STEAP2: variants seen among roughly 807,000 people sequenced by gnomAD.
The protein encoded by STEAP2 is STEAP2 metalloreductase.
In STEAP2, 30 loss-of-function variants were observed where a neutral mutation model predicts 46.4. The ratio of observed to expected loss-of-function variants is 0.65; its 90% CI spans 0.48 to 0.88. STEAP2 has a LOEUF of 0.88. STEAP2 is among the 40% of genes least tolerant of loss of function. The pLI, the probability that STEAP2 is intolerant of heterozygous loss-of-function variation, is 0.00. For missense variants in STEAP2, 513 were observed against 579.3 expected (o/e 0.89, Z 1.18); for synonymous variants, 180 against 200.5 (o/e 0.90, Z 0.86).
At chr7:90,231,443 G>A (rs777199102) in intron 5 of STEAP2, among the ~76,000 whole-genome samples, 21 of 151,880 alleles carry the variant, frequency 1.4e-4, no homozygotes, top group Middle Eastern at 3.4e-3. Context: ...AGTAGGGAAC[G>A]TTCTGAGCAA....
chr7:90,236,083 A>T lies in STEAP2; in HGVS notation c.*3459A>T. On this transcript the variant is annotated 3_prime_UTR_variant, in exon 6 of 6. Transcript: ENST00000394621. ...ACTTGTGTAAAAGGGCTTCAAGAATATATCCAATTTTTAAATATTTTAATA... is the reference window on the plus strand; with the variant it reads ...ACTTGTGTAAAAGGGCTTCAAGAATTTATCCAATTTTTAAATATTTTAATA... 1.4e-6 allele frequency: 1 copy of T among 692,912 alleles called. No individual in the cohort carries two copies. The highest frequency in any genetic ancestry group is 1.9e-5 in the African/African-American group (1 of 51,482). 42.9% of individuals were successfully genotyped at this position (692,912 alleles called of 1,614,324 possible).
intron 4 of STEAP2, among the ~76,000 whole-genome samples, chr7:90,227,887 T>C (rs989935): frequency 0.027 from 4,164 of 152,090 alleles, 59 homozygotes; most frequent in Middle Eastern, 0.048. Context: ...TTAGAACCAG[T>C]AAAAATACAA....
intron 4 of STEAP2, among the ~76,000 whole-genome samples, chr7:90,229,071 T>A (rs1274462275): frequency 6.6e-6 from 1 of 152,190 alleles, no homozygotes; most frequent in Non-Finnish European, 1.5e-5. Context: ...AAATCAAAAA[T>A]TTCAGCTGAA....
chr7:90,238,956 T>G (rs960086593), downstream of STEAP2, among the ~76,000 whole-genome samples: 8 of 151,964 alleles, frequency 5.3e-5, no homozygotes, highest in African/African-American at 1.9e-4. Context: ...AACTCAGCAC[T>G]ACTGTGTGAA....
At position 90,236,906 on chromosome 7, in the gene STEAP2, G is replaced by A. The variant is rs1795979505; in HGVS notation, c.*4282G>A. On this transcript the variant is annotated 3_prime_UTR_variant, in exon 6 of 6. Transcript: ENST00000394621. Reference sequence around the variant, plus strand: ...GTCTTTAAAGATCTTTTGCAGCTTTGCAGATACCCAGACTGAGCTGGAACT... The same window carrying A: ...GTCTTTAAAGATCTTTTGCAGCTTTACAGATACCCAGACTGAGCTGGAACT... The A allele has an allele frequency of 1.2e-6, 2 of 1,613,992 alleles. No homozygotes were observed. Among genetic ancestry groups the A allele is most frequent in the African/African-American group, 1.3e-5 (1 of 75,002 alleles).
downstream of STEAP2, among the ~76,000 whole-genome samples, chr7:90,241,241 T>C (rs1016080227): frequency 1.3e-5 from 2 of 151,958 alleles, no homozygotes; most frequent in Non-Finnish European, 2.9e-5. Context: ...GCTGAGGATC[T>C]TGAGAGATCA....
chr7:90,214,187 GA>G (rs1441585092), intron 1 of STEAP2, among the ~76,000 whole-genome samples: 3 of 152,316 alleles, frequency 2.0e-5, no homozygotes. Context: ...GGTGGAGAGG[GA>G]TTTATGAAAT....
downstream of STEAP2, among the ~76,000 whole-genome samples, chr7:90,241,171 TACACACAC>T (rs66565009): frequency 1.3e-5 from 2 of 149,984 alleles, no homozygotes; most frequent in Non-Finnish European, 3.0e-5. Context: ...CACATAAACA[TACACACAC>T]ACACACACAC....
chr7:90,233,638 T>G lies in STEAP2; in HGVS notation c.*1014T>G. ...GAGATAAGTAGTTATTATCCTCATTTTACACATGAGGGACCGAAGGATAGA... is the reference window on the plus strand; with the variant it reads ...GAGATAAGTAGTTATTATCCTCATTGTACACATGAGGGACCGAAGGATAGA... On this transcript the variant is annotated 3_prime_UTR_variant, in exon 6 of 6. Coordinates refer to ENST00000394621, the MANE Select transcript of STEAP2 (RefSeq NM_001244944.2). 1.1e-6 allele frequency: 1 copy of G among 876,482 alleles called. No homozygotes were observed. The highest frequency in any genetic ancestry group is 1.4e-6 in the Non-Finnish European group (1 of 730,928). The allele number at this position is 876,482 out of a possible 1,614,324, so 54.3% of individuals were successfully genotyped here.
Position 90,230,298 on chromosome 7 carries a change from G to GA in STEAP2, c.1185+272dup, listed in dbSNP as rs146827619. On this transcript the variant is annotated intron_variant, in intron 5 of 5. Coordinates refer to ENST00000394621, the MANE Select transcript of STEAP2 (RefSeq NM_001244944.2). ...AGAACAAAAAAGTTATCTTAAAAGA[G>GA]AAAAAAAAAATGAAAGTTGGGAAGG... Among the ~76,000 whole-genome samples, 121 of 145,842 alleles carry GA rather than the reference G, an allele frequency of 8.3e-4. 1 individual carries two copies. Among genetic ancestry groups the GA allele is most frequent in the African/African-American group, 2.5e-3 (100 of 39,936 alleles).
In STEAP2 at chr7:90,233,578, T is replaced by C; in HGVS notation, c.*954T>C. On this transcript the variant is annotated 3_prime_UTR_variant, in exon 6 of 6. Transcript: ENST00000394621. ...TAGGCATGGTTCTAAGTACTTTACTTGTATTATCCCATTTAATACTTAGAA... is the reference window on the plus strand; with the variant it reads ...TAGGCATGGTTCTAAGTACTTTACTCGTATTATCCCATTTAATACTTAGAA... 2 of 953,090 alleles carry C rather than the reference T, an allele frequency of 2.1e-6. No individual in the cohort carries two copies. Among genetic ancestry groups the C allele is most frequent in the Non-Finnish European group, 2.5e-6 (2 of 800,510 alleles). The allele number at this position is 953,090 out of a possible 1,614,324, so 59.0% of individuals were successfully genotyped here. A position where few individuals can be genotyped will look rare whatever the true frequency, so the allele number is the denominator to read the frequency against.
chr7:90,242,842 C>T, downstream of STEAP2, among the ~76,000 whole-genome samples: 1 of 151,990 alleles, frequency 6.6e-6, no homozygotes, highest in East Asian at 1.9e-4. Context: ...CATAAAGATA[C>T]CAATGAGTAG....
intron 3 of STEAP2, among the ~76,000 whole-genome samples, chr7:90,226,557 A>G (rs1795496547): frequency 6.6e-6 from 1 of 152,240 alleles, no homozygotes; most frequent in South Asian, 2.1e-4. Flanking sequence ...ATCCAAGATT[A>G]ATAATCCAAA....
At chr7:90,222,542 T>C (rs1297375736) in intron 2 of STEAP2, among the ~76,000 whole-genome samples, 1 of 152,142 alleles carries the variant, frequency 6.6e-6, no homozygotes. Context: ...TGTCTTTATG[T>C]CCTTGGATAA....
intron 2 of STEAP2, among the ~76,000 whole-genome samples, chr7:90,223,490 C>T (rs191304693): frequency 6.6e-6 from 1 of 152,314 alleles, no homozygotes; most frequent in East Asian, 1.9e-4. Flanking sequence ...TGGCTTAGAG[C>T]CAAGTGATGA....
chr7:90,241,757 T>G (rs1796064131), downstream of STEAP2, among the ~76,000 whole-genome samples: 1 of 152,078 alleles, frequency 6.6e-6, no homozygotes, highest in African/African-American at 2.4e-5. Context: ...CTCAGTACAG[T>G]AGGAAGGGGT....
At chr7:90,224,883 A>C (rs1369084109) in intron 2 of STEAP2, among the ~76,000 whole-genome samples, 167 bp from the exon 3 acceptor site, 1 of 152,188 alleles carries the variant, frequency 6.6e-6, no homozygotes, top group African/African-American at 2.4e-5. Flanking sequence ...ATGAAGAGAA[A>C]CCAGAATAGT....
In STEAP2 at chr7:90,235,405, A is replaced by T; in HGVS notation, c.*2781A>T. ...TGCTTTATTTTACCTCTATGTGATT[A>T]TTTTTCTTAATTGTTATTTTTTATA... On this transcript the variant is annotated 3_prime_UTR_variant, in exon 6 of 6. Transcript: ENST00000394621. 1.0e-6 allele frequency: 1 copy of T among 976,362 alleles called. No homozygotes were observed. Among genetic ancestry groups the T allele is most frequent in the Non-Finnish European group, 1.2e-6 (1 of 821,696 alleles). 60.5% of individuals were successfully genotyped at this position (976,362 alleles called of 1,614,324 possible).
chr7:90,222,456 A>G (rs7808565), intron 2 of STEAP2, among the ~76,000 whole-genome samples: 30,293 of 151,920 alleles, frequency 0.2, 3,198 homozygotes, highest in African/African-American at 0.25. Context: ...CCCCAAAAAC[A>G]CCCTTTCCTA....
Sources: gnomAD v4.1 joint callset for allele counts (sites outside exome capture counted in the v4.1 genomes callset) on GRCh38, gnomAD v4.1.1 for gene constraint, MANE v1.5 for transcripts, NCBI Gene and HGNC (gene_info 2026-07-23, HGNC 2026-07-21) for gene names.